SLC18A2: variants seen among roughly 807,000 people sequenced by gnomAD.
SLC18A2 encodes the protein synaptic vesicular amine transporter.
SLC18A2 carries 33 observed loss-of-function variants against 59.2 expected under a neutral mutation model. That is an observed-to-expected ratio of 0.56 (90% CI 0.42 to 0.75). SLC18A2 has a LOEUF of 0.75. Ranked by LOEUF, SLC18A2 falls within the 30% of genes least tolerant of loss-of-function variation. The pLI is 0.00. For missense variants in SLC18A2, 569 were observed against 668.6 expected, an observed-to-expected ratio of 0.85 and a Z score of 1.64; for synonymous variants, 228 against 253.5, an observed-to-expected ratio of 0.90 and a Z score of 0.95.
rs7898581 is a variant in SLC18A2, at chr10:117,241,173, T to C, written c.-63T>C. 0.021 allele frequency: 3,126 copies of C among 152,162 alleles called. 93 individuals are homozygous for C. The highest frequency in any genetic ancestry group is 0.071 in the African/African-American group (2,932 of 41,372). The allele number at this position is 152,162 out of a possible 1,614,324, so 9.4% of individuals were successfully genotyped here. A position where few individuals can be genotyped will look rare whatever the true frequency, so the allele number is the denominator to read the frequency against. On this transcript the variant is annotated 5_prime_UTR_variant, in exon 1 of 16. Transcript: ENST00000644641. ...GACGGAGCCCACTGCGGTGCGGGCGTTGGCGCGGGCACGGAGGACCCGGGC... is the reference window on the plus strand; with the variant it reads ...GACGGAGCCCACTGCGGTGCGGGCGCTGGCGCGGGCACGGAGGACCCGGGC...
In SLC18A2 at chr10:117,257,893, G is replaced by C; in HGVS notation, c.991+1G>C. 1 of 1,606,998 alleles carries C rather than the reference G, an allele frequency of 6.2e-7. No individual in the cohort carries two copies. Among genetic ancestry groups the C allele is most frequent in the South Asian group, 1.1e-5 (1 of 90,640 alleles). ...ATGTGTTCCCGAAAGTGGCAGCTGG[G>C]TAAGGACTGGGGTGGGCTCTTCTGA... On this transcript the variant is annotated splice_donor_variant, in intron 10 of 15. Coordinates refer to ENST00000644641, the MANE Select transcript of SLC18A2 (RefSeq NM_003054.6). LOFTEE classifies it high-confidence loss of function.
In SLC18A2 at chr10:117,266,799, A is replaced by C; in HGVS notation, c.1058A>C (p.His353Pro). Residue 353 changes from histidine (H) to proline (P), a missense_variant, in exon 11 of 16, where the codon CAC becomes CCC. Around this residue, in one of 2 missense-constraint regions of SLC18A2, gnomAD observed 192 missense variants for 278.8 expected, o/e 0.69. Transcript: ENST00000644641. Reference protein sequence around the residue: ...IGTNIFGILAHKMGRWLCALL... With the variant: ...IGTNIFGILAPKMGRWLCALL... ...ACCAATATTTTTGGGATACTTGCAC[A>C]CAAAATGGGGAGGTAAGATGATATG... The C allele has an allele frequency of 6.2e-7, 1 of 1,613,362 alleles. No individual in the cohort carries two copies.
chr10:117,270,565 G>T, intron 15 of SLC18A2, 102 bp downstream of exon 15: 1 of 1,353,312 alleles, frequency 7.4e-7, no homozygotes, highest in Non-Finnish European at 1.0e-6. Context: ...AAACATAAAT[G>T]GTGAGAATTC....
At chr10:117,258,494 GT>G (rs1844255101) in intron 10 of SLC18A2, among the ~76,000 whole-genome samples, 1 of 152,056 alleles carries the variant, frequency 6.6e-6, no homozygotes, top group Non-Finnish European at 1.5e-5. Context: ...GTGACCTCTT[GT>G]TTTTCCTTCA....
intron 14 of SLC18A2, 25 bp downstream of exon 14, chr10:117,270,215 A>T: frequency 6.2e-7 from 1 of 1,613,958 alleles, no homozygotes; most frequent in East Asian, 2.2e-5. Context: ...TTTTCATAAG[A>T]ACCTTTTACC....
intron 3 of SLC18A2, among the ~76,000 whole-genome samples, chr10:117,253,122 G>A (rs369625622): frequency 7.2e-5 from 11 of 152,138 alleles, no homozygotes; most frequent in African/African-American, 1.4e-4. Flanking sequence ...AATAGGGGCC[G>A]TGTATTTTGG....
In SLC18A2 at chr10:117,255,602, G is replaced by A. The variant is rs141119495; in HGVS notation, c.840G>A (p.Gln280=). The A allele has an allele frequency of 3.1e-6, 5 of 1,614,014 alleles. No homozygotes were observed. The African/African-American group carries it at 6.7e-5, about 22-fold the overall frequency. ...CCGTGTTTTTTTCTTGACAGAGTCA[G>A]AAGGGGACACCCCTAACCACGCTGC... ...LQPSRVQPES[Q]KGTPLTTLLK... The change falls in exon 9 of 16, where the codon CAG becomes CAA. Residue 280 remains glutamine, a synonymous_variant. Transcript: ENST00000644641.
chr10:117,259,770 G>A (rs1413878580), intron 10 of SLC18A2, among the ~76,000 whole-genome samples: 1 of 152,100 alleles, frequency 6.6e-6, no homozygotes, highest in Admixed American at 6.6e-5. Flanking sequence ...TCTTCTCTAG[G>A]TTATAAAAGT....
chr10:117,253,932 G>T, intron 4 of SLC18A2, 116 bp from the exon 5 acceptor site: 1 of 873,486 alleles, frequency 1.1e-6, no homozygotes. Flanking sequence ...AAAAGCACAG[G>T]GTGGCTAACA....
In SLC18A2 at chr10:117,277,183, T is replaced by C; in HGVS notation, c.1462T>C (p.Cys488Arg). 6.2e-7 allele frequency: 1 copy of C among 1,604,566 alleles called. No homozygotes were observed. The highest frequency in any genetic ancestry group is 8.5e-7 in the Non-Finnish European group (1 of 1,172,080). Reference protein sequence around the residue: ...EKMAILMDHNCPIKTKMYTQN... With the variant: ...EKMAILMDHNRPIKTKMYTQN... ...TTAGGCTATTCTCATGGATCACAAC[T>C]GCCCTATTAAAACAAAAATGTACAC... is the stretch of plus-strand genomic sequence containing the variant. The change falls in exon 16 of 16, where the codon TGC becomes CGC. Residue 488 changes from cysteine to arginine, a missense_variant. Coordinates refer to ENST00000644641, the MANE Select transcript of SLC18A2 (RefSeq NM_003054.6).
intron 10 of SLC18A2, among the ~76,000 whole-genome samples, chr10:117,264,459 G>C (rs1356736200): frequency 6.6e-6 from 1 of 152,188 alleles, no homozygotes; most frequent in Non-Finnish European, 1.5e-5. Flanking sequence ...CTGGGCAACA[G>C]AGCCACTGAC....
intron 3 of SLC18A2, among the ~76,000 whole-genome samples, chr10:117,248,559 C>A (rs1844132750): frequency 1.3e-5 from 2 of 152,160 alleles, no homozygotes; most frequent in South Asian, 4.1e-4. Context: ...ATAATTTTGG[C>A]TGAACTATTC....
At position 117,278,480 on chromosome 10, in the gene SLC18A2, T is replaced by C. The variant is rs1364651258; in HGVS notation, c.*1214T>C. 1 of 152,242 alleles carries C rather than the reference T, an allele frequency of 6.6e-6. No homozygotes were observed. Among genetic ancestry groups the C allele is most frequent in the Non-Finnish European group, 1.5e-5 (1 of 68,044 alleles). 9.4% of individuals were successfully genotyped at this position (152,242 alleles called of 1,614,324 possible). A position where few individuals can be genotyped will look rare whatever the true frequency, so the allele number is the denominator to read the frequency against. On this transcript the variant is annotated 3_prime_UTR_variant, in exon 16 of 16. Coordinates refer to ENST00000644641, the MANE Select transcript of SLC18A2 (RefSeq NM_003054.6). ...TAAGCATGACAACATTGATGTGCCTTTTCAGTGTAACAGCAAATACTGTTA... is the reference window on the plus strand; with the variant it reads ...TAAGCATGACAACATTGATGTGCCTCTTCAGTGTAACAGCAAATACTGTTA...
At chr10:117,274,013 T>C (rs1844456399) in intron 15 of SLC18A2, among the ~76,000 whole-genome samples, 1 of 152,182 alleles carries the variant, frequency 6.6e-6, no homozygotes, top group Non-Finnish European at 1.5e-5. Context: ...CACAGCAGTG[T>C]GTGGAGAGCA....
intron 9 of SLC18A2, among the ~76,000 whole-genome samples, chr10:117,256,958 G>A (rs1013778431): frequency 2.6e-5 from 4 of 152,072 alleles, no homozygotes; most frequent in Admixed American, 6.5e-5. Flanking sequence ...GACTGTCATC[G>A]ACACTTCCAG....
At chr10:117,267,130 T>C in intron 12 of SLC18A2, 95 bp downstream of exon 12, 1 of 932,452 alleles carries the variant, frequency 1.1e-6, no homozygotes, top group South Asian at 1.5e-5. Context: ...ACGTTTGAGT[T>C]TGTTGATGTT....
At chr10:117,270,035 C>T (rs1205722579) in intron 13 of SLC18A2, 36 bp from the exon 14 acceptor site, 17 of 1,606,852 alleles carry the variant, frequency 1.1e-5, no homozygotes, top group African/African-American at 4.0e-5. Context: ...GGTTTACATC[C>T]GTTTTCTATA....
At chr10:117,271,928 T>A (rs945290331) in intron 15 of SLC18A2, among the ~76,000 whole-genome samples, 4 of 152,152 alleles carry the variant, frequency 2.6e-5, no homozygotes. Flanking sequence ...TGTGTGTATA[T>A]GTGTTTGTGT....
At chr10:117,253,514 C>T in intron 4 of SLC18A2, 57 bp downstream of exon 4, 2 of 1,137,592 alleles carry the variant, frequency 1.8e-6, no homozygotes, top group Middle Eastern at 2.1e-4. Flanking sequence ...GGCATTGATG[C>T]CCATGAGCCG....
Sources: allele counts gnomAD v4.1 joint callset (sites outside exome capture counted in the v4.1 genomes callset), GRCh38; gene constraint gnomAD v4.1.1; regional missense constraint gnomAD v4.1.1; transcripts MANE v1.5; gene names NCBI Gene and HGNC (gene_info 2026-07-23, HGNC 2026-07-21).